SCAPER: variants seen among roughly 807,000 people sequenced by gnomAD.
SCAPER encodes S-phase cyclin A associated protein in the ER, also known as S phase cyclin A-associated protein in the endoplasmic reticulum.
In SCAPER, 98 loss-of-function variants were observed where a neutral mutation model predicts 182.2. The ratio of observed to expected loss-of-function variants is 0.54; its 90% CI spans 0.46 to 0.64. The LOEUF is 0.64. Among genes scored for constraint, SCAPER ranks in the 30% least tolerant of loss-of-function variants. SCAPER has a pLI of 0.00. For synonymous variants in SCAPER, 605 were observed against 564.6 expected (o/e 1.07, Z -1.01); for missense variants, 1,432 against 1,690.0 (o/e 0.85, Z 2.68).
At chr15:76,745,035 T>C (rs1054010673) in intron 15 of SCAPER, among the ~76,000 whole-genome samples, 1 of 152,162 alleles carries the variant, frequency 6.6e-6, no homozygotes, top group Non-Finnish European at 1.5e-5. Context: ...AGTGAATTAA[T>C]GCAGGAACAG....
At chr15:76,405,769 G>A (rs1437923075) in intron 26 of SCAPER, among the ~76,000 whole-genome samples, 1 of 152,212 alleles carries the variant, frequency 6.6e-6, no homozygotes, top group Admixed American at 6.5e-5. Flanking sequence ...AAATATAGCA[G>A]TTCTGCAAAT....
At chr15:76,510,811 G>C (rs1029119303) in intron 23 of SCAPER, among the ~76,000 whole-genome samples, 6 of 152,132 alleles carry the variant, frequency 3.9e-5, no homozygotes, top group Admixed American at 3.3e-4. Flanking sequence ...CAAAAATGTG[G>C]AACCAACCCA....
intron 20 of SCAPER, among the ~76,000 whole-genome samples, chr15:76,667,624 TCAAAAAAAAAAAAA>T (rs2056687109): frequency 6.3e-5 from 1 of 15,874 alleles, no homozygotes; most frequent in South Asian, 2.6e-3. Flanking sequence ...AGACTCAGTC[TCAAAAAAAAAAAAA>T]AAAAAAAAAA....
intron 20 of SCAPER, among the ~76,000 whole-genome samples, chr15:76,695,681 G>T (rs1449135552): frequency 6.6e-6 from 1 of 151,626 alleles, no homozygotes; most frequent in African/African-American, 2.4e-5. Context: ...AATTTTCCTT[G>T]AACTAAATGA....
intron 5 of SCAPER, among the ~76,000 whole-genome samples, chr15:76,827,266 C>T (rs1374749216): frequency 6.6e-6 from 1 of 152,182 alleles, no homozygotes; most frequent in African/African-American, 2.4e-5. Context: ...CATCCTGTTG[C>T]ATTATGCCAG....
intron 25 of SCAPER, 35 bp from the exon 26 acceptor site, chr15:76,434,345 A>G (rs2047057180): frequency 6.9e-7 from 1 of 1,451,548 alleles, no homozygotes; most frequent in East Asian, 2.3e-5. Context: ...ATATGTTTCA[A>G]TAAAACCACC....
chr15:76,768,240 C>A (rs2063226622), intron 10 of SCAPER, among the ~76,000 whole-genome samples: 1 of 152,052 alleles, frequency 6.6e-6, no homozygotes, highest in South Asian at 2.1e-4. Context: ...CACACAAAAA[C>A]TGTTATGCAA....
chr15:76,815,247 C>T (rs1399553265), intron 5 of SCAPER, among the ~76,000 whole-genome samples: 8 of 152,152 alleles, frequency 5.3e-5, no homozygotes, highest in African/African-American at 1.9e-4. Context: ...ACCCAAAAAT[C>T]CCTCTTCTGA....
chr15:76,517,352 CTTTT>C (rs780568492), intron 23 of SCAPER, among the ~76,000 whole-genome samples: 2 of 138,468 alleles, frequency 1.4e-5, no homozygotes, highest in African/African-American at 2.6e-5. Context: ...ATATTAACAT[CTTTT>C]TTTTTTTTTT....
rs2050849757 is a variant in SCAPER, at chr15:76,610,154, A to G, written c.2711+11610T>C. The stretch of plus-strand genomic sequence containing the variant: ...TGCAACTGAGAAAACCAGTGCCAGC[A>G]TAGCACTGTGCGCCCACTCCCAGCT... On this transcript the variant is annotated intron_variant, in intron 22 of 31. Transcript: ENST00000563290. Among the ~76,000 whole-genome samples, 3 of 152,174 alleles carry G rather than the reference A, an allele frequency of 2.0e-5. No individual in the cohort carries two copies. In the South Asian group the frequency reaches 6.2e-4, roughly 32 times the overall value.
At chr15:76,609,632 A>C (rs989916589) in intron 22 of SCAPER, among the ~76,000 whole-genome samples, 2 of 152,268 alleles carry the variant, frequency 1.3e-5, no homozygotes, top group African/African-American at 4.8e-5. Flanking sequence ...TTTCTGCTGT[A>C]TCTGACTCTG....
chr15:76,465,117 T>C (rs1386006916), intron 25 of SCAPER, among the ~76,000 whole-genome samples: 1 of 152,162 alleles, frequency 6.6e-6, no homozygotes, highest in South Asian at 2.1e-4. Context: ...TCTTTATATA[T>C]TTGGATATTA....
intron 26 of SCAPER, among the ~76,000 whole-genome samples, chr15:76,405,540 A>G (rs1436042857): frequency 6.6e-6 from 1 of 152,228 alleles, no homozygotes; most frequent in Non-Finnish European, 1.5e-5. Flanking sequence ...CTGAGGGTTG[A>G]CAACAACATT....
At chr15:76,737,182 T>C (rs1034488697) in intron 15 of SCAPER, among the ~76,000 whole-genome samples, 2 of 152,244 alleles carry the variant, frequency 1.3e-5, no homozygotes, top group Admixed American at 6.5e-5. Context: ...GGAATCACTA[T>C]CTATGGCAGC....
Position 76,597,965 on chromosome 15 carries a change from C to T in SCAPER, c.2712-23681G>A, listed in dbSNP as rs1418660984. 3.3e-5 allele frequency among the ~76,000 whole-genome samples: 4 copies of T among 120,662 alleles called. 1 individual carries two copies. The highest frequency in any genetic ancestry group is 8.0e-5 in the Non-Finnish European group (4 of 49,724). The allele number at this position is 120,662 out of a possible 152,430, so 79.2% of individuals were successfully genotyped here. A position where few individuals can be genotyped will look rare whatever the true frequency, so the allele number is the denominator to read the frequency against. On this transcript the variant is annotated intron_variant, in intron 22 of 31. Transcript: ENST00000563290. ...AATTGACAAATGAGATGTAATTAAA[C>T]TAAAGAGCTTCTGCATAGCAGAAGA... is the stretch of plus-strand genomic sequence containing the variant.
intron 17 of SCAPER, among the ~76,000 whole-genome samples, chr15:76,715,223 A>C (rs556000222): frequency 4.0e-5 from 6 of 149,514 alleles, no homozygotes; most frequent in African/African-American, 1.2e-4. Flanking sequence ...TCACACTTCC[A>C]GGAGCTCTGA....
intron 20 of SCAPER, among the ~76,000 whole-genome samples, chr15:76,683,235 C>T (rs1409389362): frequency 1.3e-5 from 2 of 152,182 alleles, no homozygotes; most frequent in East Asian, 3.9e-4. Flanking sequence ...AGCTGAAAAA[C>T]TCACTTCGAG....
At chr15:76,366,483 C>CCA (rs2141797518) in intron 29 of SCAPER, among the ~76,000 whole-genome samples, 1 of 152,232 alleles carries the variant, frequency 6.6e-6, no homozygotes, top group South Asian at 2.1e-4. Context: ...TTTGGAGTTT[C>CCA]CAGTTTACTG....
intron 22 of SCAPER, among the ~76,000 whole-genome samples, chr15:76,615,274 CT>C (rs1342733558): frequency 1.3e-5 from 2 of 151,772 alleles, no homozygotes; most frequent in Non-Finnish European, 2.9e-5. Context: ...GTAAGACCCC[CT>C]CCCTACAAAA....
Sources: allele counts gnomAD v4.1 joint callset (sites outside exome capture counted in the v4.1 genomes callset), GRCh38; gene constraint gnomAD v4.1.1; transcripts MANE v1.5; gene names NCBI Gene and HGNC (gene_info 2026-07-23, HGNC 2026-07-21).